The following ALG12 variants were observed in gnomAD, a reference collection of about 807,000 sequenced individuals.
ALG12 encodes ALG12 alpha-1,6-mannosyltransferase.
ALG12 carries 36 observed loss-of-function variants against 46.0 expected under a neutral mutation model. That is an observed-to-expected ratio of 0.78 (90% CI 0.60 to 1.03). ALG12 has a LOEUF of 1.03. ALG12 is among the 50% of genes least tolerant of loss of function. ALG12 has a pLI of 0.00. For missense variants in ALG12, 599 were observed against 633.5 expected (o/e 0.95, Z 0.58); for synonymous variants, 326 against 291.6 (o/e 1.12, Z -1.20).
rs2060500486 is a variant in ALG12, at chr22:49,900,706, G to C, written c.*3132C>G. The C allele has an allele frequency of 1.3e-5, 2 of 152,322 alleles. No individual in the cohort carries two copies. Among genetic ancestry groups the C allele is most frequent in the African/African-American group, 4.8e-5 (2 of 41,452 alleles). The allele number at this position is 152,322 out of a possible 1,614,324, so 9.4% of individuals were successfully genotyped here. On this transcript the variant is annotated 3_prime_UTR_variant, in exon 10 of 10. Coordinates refer to ENST00000330817, the MANE Select transcript of ALG12 (RefSeq NM_024105.4). The stretch of plus-strand genomic sequence containing the variant: ...AGGATGCTGCTGTTGCTGGGGGCCA[G>C]GGTCCTCAGGGTGGAGATGGGGGGT...
chr22:49,867,950 C>G, the ALG12 span, among the ~76,000 whole-genome samples: 3 of 152,202 alleles, frequency 2.0e-5, no homozygotes, highest in Non-Finnish European at 2.9e-5. Flanking sequence ...TGTTGAATAT[C>G]TCATGTAAGA....
At chr22:49,904,580 A>G in intron 7 of ALG12, 74 bp from the exon 8 acceptor site, 1 of 1,544,324 alleles carries the variant, frequency 6.5e-7, no homozygotes, top group Non-Finnish European at 8.9e-7. Context: ...AAAACATACT[A>G]GGAGCATAAC....
the ALG12 span, among the ~76,000 whole-genome samples, chr22:49,870,178 A>G: frequency 6.6e-6 from 1 of 152,182 alleles, no homozygotes. Flanking sequence ...ATGGCTGTAT[A>G]ATATTCCATG....
At chr22:49,916,788 CAAAAATA>C (rs1007888953) in intron 1 of ALG12, among the ~76,000 whole-genome samples, 1 of 152,128 alleles carries the variant, frequency 6.6e-6, no homozygotes, top group Non-Finnish European at 1.5e-5. Context: ...CCCATTTCTA[CAAAAATA>C]AAAAATAAAA....
chr22:49,912,905 C>G (rs530891689), intron 3 of ALG12, among the ~76,000 whole-genome samples: 1 of 152,150 alleles, frequency 6.6e-6, no homozygotes, highest in Non-Finnish European at 1.5e-5. Context: ...ACAATATGTA[C>G]AAAACGTTCT....
downstream of ALG12, among the ~76,000 whole-genome samples, chr22:49,895,657 T>TAAAAA (rs59138053): frequency 1.6e-5 from 2 of 125,694 alleles, no homozygotes; most frequent in Non-Finnish European, 3.6e-5. Context: ...ATCTCAAAAA[T>TAAAAA]AAAAAAAAAA....
chr22:49,865,149 A>G, the ALG12 span, among the ~76,000 whole-genome samples: 1 of 152,120 alleles, frequency 6.6e-6, no homozygotes, highest in Non-Finnish European at 1.5e-5. Context: ...CAGATGGTAT[A>G]ACCTGTCACT....
chr22:49,873,735 C>A, the ALG12 span, among the ~76,000 whole-genome samples: 1 of 152,184 alleles, frequency 6.6e-6, no homozygotes, highest in Admixed American at 6.5e-5. Context: ...CACCCCCACC[C>A]TGCAGCCCCA....
At chr22:49,887,185 C>G in the ALG12 span, 2 of 1,598,662 alleles carry the variant, frequency 1.3e-6, no homozygotes, top group Non-Finnish European at 1.7e-6. Flanking sequence ...TTGAAACTCA[C>G]GACGGCACCA....
intron 4 of ALG12, 46 bp downstream of exon 4, chr22:49,910,388 C>T: frequency 6.3e-7 from 1 of 1,598,902 alleles, no homozygotes; most frequent in Non-Finnish European, 8.5e-7. Flanking sequence ...CAGGGGAGCC[C>T]CTGCCCGGCA....
chr22:49,909,118 T>C (rs2060560641), intron 6 of ALG12, 126 bp downstream of exon 6: 3 of 1,019,912 alleles, frequency 2.9e-6, no homozygotes, highest in Non-Finnish European at 3.1e-6. Flanking sequence ...AGGGAGGGGC[T>C]CCATCCTGAC....
chr22:49,883,910 A>G, the ALG12 span: 1 of 1,609,240 alleles, frequency 6.2e-7, no homozygotes, highest in Non-Finnish European at 8.5e-7. Flanking sequence ...GAGGATGACT[A>G]TGGCGCGCTG....
chr22:49,880,002 T>G, the ALG12 span, among the ~76,000 whole-genome samples: 3 of 151,750 alleles, frequency 2.0e-5, no homozygotes, highest in Non-Finnish European at 4.4e-5. Context: ...CAGGTCTGGT[T>G]GTTTTTGTCA....
At chr22:49,862,841 A>G in the ALG12 span, among the ~76,000 whole-genome samples, 1 of 151,634 alleles carries the variant, frequency 6.6e-6, no homozygotes, top group Non-Finnish European at 1.5e-5. Context: ...AACTGGGATT[A>G]CAGGTGCCCA....
In ALG12 at chr22:49,903,676, T is replaced by C. The variant is rs536808333; in HGVS notation, c.*162A>G. Reference sequence around the variant, plus strand: ...GTGCTGAGAGCCCCAGCTGAGGCTGTGGAGGAGGCCCTGGACCTGGTCTGG... The same window carrying C: ...GTGCTGAGAGCCCCAGCTGAGGCTGCGGAGGAGGCCCTGGACCTGGTCTGG... On this transcript the variant is annotated 3_prime_UTR_variant, in exon 10 of 10. Coordinates refer to ENST00000330817, the MANE Select transcript of ALG12 (RefSeq NM_024105.4). The C allele has an allele frequency of 2.4e-6, 2 of 826,306 alleles. No homozygotes were observed. Among genetic ancestry groups the C allele is most frequent in the African/African-American group, 1.7e-5 (1 of 59,692 alleles). 51.2% of individuals were successfully genotyped at this position (826,306 alleles called of 1,614,324 possible).
Position 49,901,501 on chromosome 22 carries a change from CATGATTGCAT to C in ALG12, c.*2327_*2336del, listed in dbSNP as rs2060504981. On this transcript the variant is annotated 3_prime_UTR_variant, in exon 10 of 10. Transcript: ENST00000330817. ...GGTGTGTGCACGTGTGCATTGTGTG[CATGATTGCAT>C]TGTGTGGTGTGTATGCATGGTGTGT... 1.4e-5 allele frequency: 2 copies of C among 138,984 alleles called. No individual in the cohort carries two copies. The highest frequency in any genetic ancestry group is 2.3e-4 in the East Asian group (1 of 4,404). The allele number at this position is 138,984 out of a possible 1,614,324, so 8.6% of individuals were successfully genotyped here. A position where few individuals can be genotyped will look rare whatever the true frequency, so the allele number is the denominator to read the frequency against.
the ALG12 span, chr22:49,885,956 A>T: frequency 2.7e-6 from 2 of 728,892 alleles, no homozygotes; most frequent in Non-Finnish European, 4.9e-6. Flanking sequence ...GACGACCACC[A>T]CTGCTCGGCG....
chr22:49,871,874 T>A, the ALG12 span, among the ~76,000 whole-genome samples: 3 of 151,862 alleles, frequency 2.0e-5, no homozygotes, highest in Non-Finnish European at 2.9e-5. Flanking sequence ...CCTGCCTCAG[T>A]AGCTGGGATT....
chr22:49,895,254 G>C (rs189024982), downstream of ALG12, among the ~76,000 whole-genome samples: 1 of 152,194 alleles, frequency 6.6e-6, no homozygotes, highest in Admixed American at 6.5e-5. Flanking sequence ...CCATCCTCCT[G>C]CTCTAACATC....
Sources: allele counts gnomAD v4.1 joint callset (sites outside exome capture counted in the v4.1 genomes callset), GRCh38; gene constraint gnomAD v4.1.1; transcripts MANE v1.5; gene names NCBI Gene and HGNC (gene_info 2026-07-23, HGNC 2026-07-21).